Variants in NCOR1 observed in about 807,000 individuals in gnomAD.
The protein encoded by NCOR1 is nuclear receptor corepressor 1.
NCOR1 carries 63 observed loss-of-function variants against 288.1 expected under a neutral mutation model. The observed-to-expected ratio is 0.22, with a 90% CI of 0.18 to 0.27. The LOEUF is 0.27. Ranked by LOEUF, NCOR1 falls within the 10% of genes least tolerant of loss-of-function variation. The probability of loss-of-function intolerance (pLI) is 1.00; values close to 1 mark genes in which losing one functional copy is unlikely to be tolerated. For missense variants in NCOR1, 2,397 were observed against 3,019.2 expected, an observed-to-expected ratio of 0.79 and a Z score of 4.83; for synonymous variants, 1,007 against 1,065.9, an observed-to-expected ratio of 0.94 and a Z score of 1.08.
chr17:16,163,986 G>A (rs1337323135), intron 5 of NCOR1, among the ~76,000 whole-genome samples: 1 of 152,158 alleles, frequency 6.6e-6, no homozygotes, highest in Non-Finnish European at 1.5e-5. Context: ...CAGGGGTTGG[G>A]GAAAAGGGGA....
At chr17:16,124,924 G>A (rs921000845) in intron 15 of NCOR1, among the ~76,000 whole-genome samples, 2 of 152,022 alleles carry the variant, frequency 1.3e-5, no homozygotes, top group African/African-American at 2.4e-5. Context: ...ATATCCTGGA[G>A]GAAAGTATAT....
At chr17:16,109,667 A>C (rs1183583014) in intron 18 of NCOR1, among the ~76,000 whole-genome samples, 2 of 152,216 alleles carry the variant, frequency 1.3e-5, no homozygotes, top group African/African-American at 4.8e-5. Flanking sequence ...CACTAGCATT[A>C]AGAATCACGC....
Position 16,092,025 on chromosome 17 carries a change from T to A in NCOR1, c.2854A>T (p.Thr952Ser). 1.9e-6 allele frequency: 3 copies of A among 1,614,026 alleles called. No homozygotes were observed. Among genetic ancestry groups the A allele is most frequent in the Non-Finnish European group, 2.5e-6 (3 of 1,180,022 alleles). Reference sequence around the variant, plus strand: ...TAGAGAGCATAGCCGCTCACTGGGGTTCCAATTGGTATGTTACATGGGGTG... The same window carrying A: ...TAGAGAGCATAGCCGCTCACTGGGGATCCAATTGGTATGTTACATGGGGTG... Reference protein sequence around the residue: ...SCTPCNIPIGTPVSGYALYQR... With the variant: ...SCTPCNIPIGSPVSGYALYQR... Residue 952 changes from threonine (T) to serine (S), a missense_variant, in exon 22 of 46, where the codon ACC becomes TCC. Thr to Ser is a moderately conservative substitution (Grantham distance 58). Transcript: ENST00000268712.
At chr17:16,138,061 G>C in intron 13 of NCOR1, 97 bp downstream of exon 13, 2 of 889,598 alleles carry the variant, frequency 2.2e-6, no homozygotes, top group Non-Finnish European at 3.6e-6. Flanking sequence ...TTTTAAAATC[G>C]GTTCTAGTTA....
chr17:16,210,972 C>T (rs1197159828), intron 1 of NCOR1, among the ~76,000 whole-genome samples: 3 of 152,060 alleles, frequency 2.0e-5, no homozygotes, highest in African/African-American at 7.2e-5. Flanking sequence ...ACCTCATGAT[C>T]CGCCCACCTC....
In NCOR1 at chr17:16,164,982, T is replaced by G; in HGVS notation, c.615A>C (p.Lys205Asn). 1 of 1,569,004 alleles carries G rather than the reference T, an allele frequency of 6.4e-7. No individual in the cohort carries two copies. Among genetic ancestry groups the G allele is most frequent in the Middle Eastern group, 1.7e-4 (1 of 5,930 alleles). Residue 205 changes from lysine to asparagine, a missense_variant, in exon 5 of 46, where the codon AAA becomes AAC. Lys to Asn is a moderately conservative substitution (Grantham distance 94). Around this residue, in one of 11 missense-constraint regions of NCOR1, gnomAD observed 76 missense variants for 102.2 expected, o/e 0.74. Transcript: ENST00000268712. ...VEQQILKLKK[K>N]QQQLEEEAAK... The stretch of plus-strand genomic sequence containing the variant: ...TATATTAAGCAAAGACATTTACTTG[T>G]TTCTTTTTCAGTTTAAGGATCTGCT...
intron 11 of NCOR1, among the ~76,000 whole-genome samples, chr17:16,140,812 T>TCAAA (rs149513450): frequency 0.033 from 5,007 of 150,084 alleles, 104 homozygotes; most frequent in African/African-American, 0.058. Context: ...AGACGCCATC[T>TCAAA]CAAACAAACA....
At chr17:16,103,880 C>T (rs1185784748) in intron 19 of NCOR1, among the ~76,000 whole-genome samples, 1 of 152,166 alleles carries the variant, frequency 6.6e-6, no homozygotes, top group Non-Finnish European at 1.5e-5. Context: ...CCACATGTGG[C>T]ATGCCTGTGC....
chr17:16,173,803 C>T (rs554976564), intron 3 of NCOR1, among the ~76,000 whole-genome samples: 162 of 152,074 alleles, frequency 1.1e-3, no homozygotes, highest in Middle Eastern at 3.4e-3. Flanking sequence ...TGGTGGTGCT[C>T]GCCTGCAATC....
chr17:16,133,072 G>A (rs915593349), intron 14 of NCOR1, among the ~76,000 whole-genome samples: 4 of 151,920 alleles, frequency 2.6e-5, no homozygotes, highest in East Asian at 3.9e-4. Flanking sequence ...AGGTTCAAGC[G>A]ATTTTTCTAC....
At chr17:16,160,011 T>A (rs1486618431) in intron 5 of NCOR1, among the ~76,000 whole-genome samples, 1 of 151,990 alleles carries the variant, frequency 6.6e-6, no homozygotes, top group Non-Finnish European at 1.5e-5. Context: ...TGTATTTTTT[T>A]AGTAGAGACA....
Position 16,139,069 on chromosome 17 carries a change from A to G in NCOR1, c.1291T>C (p.Tyr431His), listed in dbSNP as rs775664878. The change falls in exon 12 of 46, where the codon TAT becomes CAT. Residue 431 changes from tyrosine to histidine, a missense_variant. Coordinates refer to ENST00000268712, the MANE Select transcript of NCOR1 (RefSeq NM_006311.4). The part of the protein sequence containing the change: ...NGLMEDPMKV[Y>H]KDRQFMNVWT... Reference sequence around the variant, plus strand: ...ACATTCATAAACTGCCTATCTTTATACACTTTCATAGGGTCCTCCATAAGC... The same window carrying G: ...ACATTCATAAACTGCCTATCTTTATGCACTTTCATAGGGTCCTCCATAAGC... The G allele has an allele frequency of 6.2e-7, 1 of 1,610,850 alleles. No individual in the cohort carries two copies. Among genetic ancestry groups the G allele is most frequent in the Admixed American group, 1.7e-5 (1 of 59,642 alleles).
intron 27 of NCOR1, among the ~76,000 whole-genome samples, chr17:16,074,555 T>C (rs11078331): frequency 6.6e-6 from 1 of 151,908 alleles, no homozygotes; most frequent in African/African-American, 2.4e-5. Context: ...TAAAGGAGAG[T>C]GAAATAAGAA....
intron 18 of NCOR1, among the ~76,000 whole-genome samples, chr17:16,114,143 C>CA (rs71353770): frequency 0.034 from 595 of 17,560 alleles, 32 homozygotes; most frequent in Admixed American, 0.055. Flanking sequence ...TGGCGGCAGG[C>CA]AAAAAAAAAA....
At chr17:16,054,913 C>G (rs957792725) in intron 40 of NCOR1, among the ~76,000 whole-genome samples, 1 of 152,122 alleles carries the variant, frequency 6.6e-6, no homozygotes, top group African/African-American at 2.4e-5. Context: ...GCCTGGGCAA[C>G]AGGGCAAGAC....
chr17:16,212,857 A>T (rs1205813164), intron 1 of NCOR1, among the ~76,000 whole-genome samples: 2 of 151,854 alleles, frequency 1.3e-5, no homozygotes, highest in African/African-American at 2.4e-5. Context: ...AGATCGCTTG[A>T]GCCCAGGAGC....
intron 26 of NCOR1, among the ~76,000 whole-genome samples, chr17:16,078,943 G>T (rs1647965649): frequency 6.6e-6 from 1 of 152,190 alleles, no homozygotes; most frequent in African/African-American, 2.4e-5. Context: ...CCACAAGGAA[G>T]TAGTATGTAA....
Position 16,127,107 on chromosome 17 carries a change from G to GCGTA in NCOR1, c.1510-902_1510-901insTACG, listed in dbSNP as rs2074197666. Among the ~76,000 whole-genome samples, 2 of 94,952 alleles carry GCGTA rather than the reference G, an allele frequency of 2.1e-5. 1 individual carries two copies. The highest frequency in any genetic ancestry group is 4.8e-5 in the Non-Finnish European group (2 of 41,972). 62.3% of individuals were successfully genotyped at this position (94,952 alleles called of 152,430 possible). A position where few individuals can be genotyped will look rare whatever the true frequency, so the allele number is the denominator to read the frequency against. On this transcript the variant is annotated intron_variant, in intron 14 of 45. Transcript: ENST00000268712. ...ATCAAAGTTTATCATAGGTGTGTGT[G>GCGTA]TGTATATGTATATATCTGTATGTAT...
At chr17:16,212,046 G>A (rs2092177669) in intron 1 of NCOR1, among the ~76,000 whole-genome samples, 1 of 152,106 alleles carries the variant, frequency 6.6e-6, no homozygotes, top group African/African-American at 2.4e-5. Context: ...GGGAGGCCAA[G>A]GCGGGTAGAT....
Sources: allele counts gnomAD v4.1 joint callset (sites outside exome capture counted in the v4.1 genomes callset), GRCh38; gene constraint gnomAD v4.1.1; regional missense constraint gnomAD v4.1.1; transcripts MANE v1.5; gene names NCBI Gene and HGNC (gene_info 2026-07-23, HGNC 2026-07-21).